Variants in ATL3 observed in about 807,000 individuals in gnomAD.
ATL3 encodes atlastin-3.
A neutral mutation model predicts 69.5 loss-of-function variants in ATL3; 49 were observed. The ratio of observed to expected loss-of-function variants is 0.71; its 90% CI spans 0.56 to 0.89. The LOEUF is 0.89. Among genes scored for constraint, ATL3 ranks in the 40% least tolerant of loss-of-function variants. The pLI is 0.00. For missense variants in ATL3, 606 were observed against 645.7 expected (o/e 0.94, Z 0.67); for synonymous variants, 214 against 224.1 (o/e 0.95, Z 0.40).
At chr11:63,671,782 G>T, upstream of ATL3, 1 of 1,159,948 alleles carries the variant, frequency 8.6e-7, no homozygotes, top group Non-Finnish European at 1.1e-6. Flanking sequence ...CTCCCAGCAG[G>T]CTGTGCGGGA....
At chr11:63,629,443 A>T in intron 12 of ATL3, 38 bp from the exon 13 acceptor site, 16 of 1,545,770 alleles carry the variant, frequency 1.0e-5, no homozygotes, top group Non-Finnish European at 1.3e-5. Context: ...AAGTTAATAA[A>T]ATACAACACA....
intron 1 of ATL3, among the ~76,000 whole-genome samples, chr11:63,662,772 C>A (rs1484197662): frequency 2.0e-5 from 3 of 152,166 alleles, no homozygotes; most frequent in Admixed American, 6.5e-5. Context: ...CCGTACCCAG[C>A]CAAGAAGTCA....
At chr11:63,658,566 A>G (rs1281765983) in intron 3 of ATL3, among the ~76,000 whole-genome samples, 195 bp downstream of exon 3, 3 of 152,378 alleles carry the variant, frequency 2.0e-5, no homozygotes, top group African/African-American at 4.8e-5. Context: ...ACAACTTCGC[A>G]TACCTGTGTC....
At chr11:63,636,537 G>A (rs149170838) in intron 8 of ATL3, among the ~76,000 whole-genome samples, 5 of 152,210 alleles carry the variant, frequency 3.3e-5, no homozygotes, top group African/African-American at 1.2e-4. Flanking sequence ...TCAGGAGTTC[G>A]AGACCAGCCT....
intron 8 of ATL3, among the ~76,000 whole-genome samples, chr11:63,637,315 C>CA (rs1347302354): frequency 6.6e-6 from 1 of 151,414 alleles, no homozygotes; most frequent in Non-Finnish European, 1.5e-5. Context: ...GGGTCTTCAA[C>CA]AAGTCAATTT....
chr11:63,631,883 G>A (rs1939331781), intron 11 of ATL3, among the ~76,000 whole-genome samples: 1 of 152,202 alleles, frequency 6.6e-6, no homozygotes, highest in African/African-American at 2.4e-5. Context: ...TCAGAAGGCT[G>A]AGGCAGGAGA....
rs1939141908 is a variant in ATL3 at position 63,627,203 on chromosome 11, T to C, written c.*2116A>G. 6.6e-6 allele frequency: 1 copy of C among 152,194 alleles called. No individual in the cohort carries two copies. The highest frequency in any genetic ancestry group is 1.5e-5 in the Non-Finnish European group (1 of 68,032). 9.4% of individuals were successfully genotyped at this position (152,194 alleles called of 1,614,324 possible). A position where few individuals can be genotyped will look rare whatever the true frequency, so the allele number is the denominator to read the frequency against. On this transcript the variant is annotated 3_prime_UTR_variant, in exon 13 of 13. Transcript: ENST00000398868. ...ATGTATTAAAAGCTAAGTATGTCAA[T>C]ATTTACAGAGCCTGCTAATAGGTAT...
intron 5 of ATL3, among the ~76,000 whole-genome samples, chr11:63,649,235 T>C (rs1399848435): frequency 1.3e-5 from 2 of 152,224 alleles, no homozygotes; most frequent in African/African-American, 2.4e-5. Flanking sequence ...TACCCCATTT[T>C]ATTGGTTATA....
intron 1 of ATL3, among the ~76,000 whole-genome samples, chr11:63,667,487 T>A (rs1318078259): frequency 6.6e-6 from 1 of 151,830 alleles, no homozygotes; most frequent in African/African-American, 2.4e-5. Flanking sequence ...GTGGGCCGGG[T>A]GCAATGGCTC....
intron 3 of ATL3, among the ~76,000 whole-genome samples, chr11:63,658,382 A>G (rs1006999683): frequency 3.9e-5 from 6 of 152,250 alleles, no homozygotes; most frequent in African/African-American, 1.4e-4. Flanking sequence ...CAACAGATTA[A>G]TATTTTTTAA....
chr11:63,644,316 G>T, intron 6 of ATL3, 55 bp from the exon 7 acceptor site: 1 of 1,015,232 alleles, frequency 9.8e-7, no homozygotes, highest in Non-Finnish European at 1.5e-6. Flanking sequence ...ATTTTCAAGA[G>T]AACAACTGCA....
At chr11:63,632,546 C>A in intron 11 of ATL3, 1 of 854,444 alleles carries the variant, frequency 1.2e-6, no homozygotes, top group Non-Finnish European at 2.0e-6. Context: ...AGTTATGTCC[C>A]AGTGGGTCAT....
chr11:63,649,392 C>T (rs2134501959), intron 5 of ATL3, among the ~76,000 whole-genome samples: 1 of 152,180 alleles, frequency 6.6e-6, no homozygotes, highest in Admixed American at 6.5e-5. Context: ...GATTCACCTG[C>T]CTCAGCCTCC....
intron 1 of ATL3, among the ~76,000 whole-genome samples, chr11:63,660,104 C>T (rs1021650638): frequency 6.7e-6 from 1 of 148,464 alleles, no homozygotes; most frequent in African/African-American, 2.5e-5. Context: ...AAGTACTATC[C>T]ATAAAAGAAA....
intron 8 of ATL3, among the ~76,000 whole-genome samples, chr11:63,640,794 G>A (rs944731558): frequency 6.6e-6 from 1 of 151,770 alleles, no homozygotes; most frequent in Non-Finnish European, 1.5e-5. Context: ...CAGAGACAGG[G>A]TTTCACCATG....
upstream of ATL3, chr11:63,671,546 G>T: frequency 7.0e-7 from 1 of 1,427,698 alleles, no homozygotes; most frequent in East Asian, 3.0e-5. Context: ...GCGAGCGCAG[G>T]ACGAGGCTAG....
At chr11:63,635,397 TA>T (rs3832716) in intron 10 of ATL3, 136 bp downstream of exon 10, 367 of 680,098 alleles carry the variant, frequency 5.4e-4, no homozygotes, top group Non-Finnish European at 7.0e-4. Context: ...CAAAATGTGC[TA>T]AAAAAAAATT....
intron 3 of ATL3, among the ~76,000 whole-genome samples, chr11:63,655,564 C>T (rs900689030): frequency 1.3e-5 from 2 of 151,872 alleles, no homozygotes; most frequent in Non-Finnish European, 2.9e-5. Context: ...TCTCCCACCT[C>T]AGCCTCCCAA....
intron 2 of ATL3, 52 bp from the exon 3 acceptor site, chr11:63,658,956 C>T (rs1328829207): frequency 6.3e-7 from 1 of 1,588,180 alleles, no homozygotes; most frequent in South Asian, 1.1e-5. Flanking sequence ...TTTTATGCAT[C>T]AAGGATAATC....
Sources: allele counts gnomAD v4.1 joint callset (sites outside exome capture counted in the v4.1 genomes callset), GRCh38; gene constraint gnomAD v4.1.1; transcripts MANE v1.5; gene names NCBI Gene and HGNC (gene_info 2026-07-23, HGNC 2026-07-21).